TPD52L1: variants seen among roughly 807,000 people sequenced by gnomAD.
The protein encoded by TPD52L1 is TPD52 like 1, also known as tumor protein D53.
A neutral mutation model predicts 28.7 loss-of-function variants in TPD52L1; 18 were observed. That is an observed-to-expected ratio of 0.63 (90% confidence interval 0.43 to 0.93). TPD52L1 has a LOEUF of 0.93. Ranked by LOEUF, TPD52L1 falls within the 40% of genes least tolerant of loss-of-function variation. The pLI, the probability that TPD52L1 is intolerant of heterozygous loss-of-function variation, is 0.00. For missense variants in TPD52L1, 203 were observed against 254.8 expected, an observed-to-expected ratio of 0.80 and a Z score of 1.39; for synonymous variants, 75 against 88.8, an observed-to-expected ratio of 0.84 and a Z score of 0.88.
intron 5 of TPD52L1, 43 bp from the exon 6 acceptor site, chr6:125,257,055 A>T (rs1562398558): frequency 5.8e-6 from 9 of 1,564,780 alleles, no homozygotes; most frequent in Non-Finnish European, 7.9e-6. Context: ...TTGCTAAGAC[A>T]GCTAGGCCTT....
In TPD52L1 at chr6:125,160,090, G is replaced by A. The variant is rs565393608; in HGVS notation, c.19+6120G>A. Among the ~76,000 whole-genome samples, 22 of 152,222 alleles carry A rather than the reference G, an allele frequency of 1.4e-4. No individual in the cohort carries two copies. In the South Asian group the frequency reaches 2.3e-3, roughly 16 times the overall value. ...GATTGTGAGGCCTCCCCAGCCATGC[G>A]GAACTGTGAGTCCATTAAACCTCTT... is the stretch of plus-strand genomic sequence containing the variant. On this transcript the variant is annotated intron_variant, in intron 1 of 6. Transcript: ENST00000534000.
chr6:125,244,207 G>A (rs1188276148), intron 3 of TPD52L1, among the ~76,000 whole-genome samples: 1 of 152,022 alleles, frequency 6.6e-6, no homozygotes, highest in African/African-American at 2.4e-5. Flanking sequence ...AGCTTATCTT[G>A]TTCTCTCATG....
Position 125,165,092 on chromosome 6 carries a change from A to ATATATATATATATATATTTATT in TPD52L1, c.19+11129_19+11130insATATATATATTTATTTATATAT. On this transcript the variant is annotated intron_variant, in intron 1 of 6. Coordinates refer to ENST00000534000, the MANE Select transcript of TPD52L1 (RefSeq NM_003287.4). ...CCTGTCTCTTAAAAAAAAGATATAT[A>ATATATATATATATATATTTATT]TATATATTTTAACTGTATATATATA... Among the ~76,000 whole-genome samples, 581 of 104,198 alleles carry ATATATATATATATATATTTATT rather than the reference A, an allele frequency of 5.6e-3. 69 individuals carry two copies. The highest frequency in any genetic ancestry group is 0.033 in the African/African-American group (544 of 16,458). The allele number at this position is 104,198 out of a possible 152,430, so 68.4% of individuals were successfully genotyped here.
chr6:125,185,179 A>T (rs977801230), intron 1 of TPD52L1, among the ~76,000 whole-genome samples: 1 of 152,190 alleles, frequency 6.6e-6, no homozygotes, highest in African/African-American at 2.4e-5. Context: ...AAACTGTCAC[A>T]ATGCAGGAAG....
At chr6:125,223,424 C>T (rs1795386104) in intron 2 of TPD52L1, among the ~76,000 whole-genome samples, 1 of 152,102 alleles carries the variant, frequency 6.6e-6, no homozygotes, top group Admixed American at 6.6e-5. Context: ...AGAGGAATCT[C>T]TTGGCCAGCT....
chr6:125,253,822 A>G, intron 5 of TPD52L1, 67 bp downstream of exon 5: 1 of 1,411,184 alleles, frequency 7.1e-7, no homozygotes. Context: ...TTTTATTTAT[A>G]TTTACTTATG....
At chr6:125,232,726 GAT>G (rs1796023384) in intron 3 of TPD52L1, among the ~76,000 whole-genome samples, 1 of 152,102 alleles carries the variant, frequency 6.6e-6, no homozygotes, top group South Asian at 2.1e-4. Context: ...AATAGGCCTT[GAT>G]AAGTAGGAAT....
chr6:125,156,922 G>C (rs1056249006), intron 1 of TPD52L1, among the ~76,000 whole-genome samples: 3 of 152,114 alleles, frequency 2.0e-5, no homozygotes, highest in African/African-American at 7.2e-5. Context: ...TATTTGCCTA[G>C]CATTTTAAGA....
chr6:125,251,042 C>T (rs982877740), intron 4 of TPD52L1, among the ~76,000 whole-genome samples: 11 of 152,076 alleles, frequency 7.2e-5, no homozygotes, highest in Non-Finnish European at 1.5e-4. Context: ...ACAAGTTTTA[C>T]AAAGATTTTT....
Position 125,257,753 on chromosome 6 carries a change from T to G in TPD52L1, c.486+595T>G, listed in dbSNP as rs146526124. 3.0e-4 allele frequency among the ~76,000 whole-genome samples: 45 copies of G among 152,306 alleles called. No individual in the cohort carries two copies. The East Asian group carries it at 8.1e-3, about 27-fold the overall frequency. On this transcript the variant is annotated intron_variant, in intron 6 of 6. Coordinates refer to ENST00000534000, the MANE Select transcript of TPD52L1 (RefSeq NM_003287.4). ...TGCCTATTACAGAGTGTTTTAAAAA[T>G]TCACTGGAATTATTGTTCTAGCATA...
chr6:125,180,049 A>G (rs1409770393), intron 1 of TPD52L1, among the ~76,000 whole-genome samples: 1 of 152,148 alleles, frequency 6.6e-6, no homozygotes, highest in African/African-American at 2.4e-5. Context: ...CGGAACTCTG[A>G]TGCTGTCCTG....
chr6:125,234,861 G>A (rs1796161641), intron 3 of TPD52L1, among the ~76,000 whole-genome samples: 1 of 151,952 alleles, frequency 6.6e-6, no homozygotes, highest in Non-Finnish European at 1.5e-5. Context: ...AGGAGGCCGA[G>A]GTGAAAGAAT....
intron 1 of TPD52L1, among the ~76,000 whole-genome samples, chr6:125,161,778 G>C (rs778631259): frequency 6.6e-6 from 1 of 152,092 alleles, no homozygotes; most frequent in South Asian, 2.1e-4. Context: ...ACCAATCACA[G>C]ATCACCATAA....
Position 125,170,486 on chromosome 6 carries a change from C to G in TPD52L1, c.19+16516C>G, listed in dbSNP as rs143262947. ...ATGTTGGGCAGATTTGCTGGTAGCT[C>G]TCATATAAATCGGAGTTTCCTAATC... is the stretch of plus-strand genomic sequence containing the variant. On this transcript the variant is annotated intron_variant, in intron 1 of 6. Coordinates refer to ENST00000534000, the MANE Select transcript of TPD52L1 (RefSeq NM_003287.4). Among the ~76,000 whole-genome samples, 629 of 151,360 alleles carry G rather than the reference C, an allele frequency of 4.2e-3. 4 individuals are homozygous for G. The highest frequency in any genetic ancestry group is 0.015 in the African/African-American group (599 of 41,272).
chr6:125,153,858 CG>C lies in TPD52L1; in HGVS notation c.-90del. Reference sequence around the variant, plus strand: ...GCGTGCCAGGAGTGGGAGCGAGCGGCGGGGCCAGCTGCGTTCTGAGCCTGGG... The same window carrying C: ...GCGTGCCAGGAGTGGGAGCGAGCGGCGGGCCAGCTGCGTTCTGAGCCTGGG... On this transcript the variant is annotated 5_prime_UTR_variant, in exon 1 of 7. Coordinates refer to ENST00000534000, the MANE Select transcript of TPD52L1 (RefSeq NM_003287.4). 1 of 1,417,430 alleles carries C rather than the reference CG, an allele frequency of 7.1e-7. No homozygotes were observed. The allele number at this position is 1,417,430 out of a possible 1,614,324, so 87.8% of individuals were successfully genotyped here. A position where few individuals can be genotyped will look rare whatever the true frequency, so the allele number is the denominator to read the frequency against.
chr6:125,204,412 C>A (rs1793978271), intron 1 of TPD52L1, among the ~76,000 whole-genome samples: 1 of 152,146 alleles, frequency 6.6e-6, no homozygotes, highest in Admixed American at 6.5e-5. Flanking sequence ...GCATTGGTTG[C>A]AAGTCTTGGT....
At chr6:125,237,807 A>ATTTTG (rs777982194) in intron 3 of TPD52L1, among the ~76,000 whole-genome samples, 23 of 151,276 alleles carry the variant, frequency 1.5e-4, no homozygotes, top group Non-Finnish European at 2.5e-4. Flanking sequence ...CCCAGCCCTG[A>ATTTTG]TTTTGTTTTG....
chr6:125,220,783 T>C (rs1562314133), intron 2 of TPD52L1, among the ~76,000 whole-genome samples: 1 of 152,160 alleles, frequency 6.6e-6, no homozygotes, highest in Non-Finnish European at 1.5e-5. Context: ...GATGTCAGGC[T>C]CATTATGAAT....
intron 1 of TPD52L1, among the ~76,000 whole-genome samples, chr6:125,218,052 T>C (rs1794996800): frequency 6.6e-6 from 1 of 152,206 alleles, no homozygotes; most frequent in African/African-American, 2.4e-5. Flanking sequence ...TAATGGCGTC[T>C]GATGTGCATG....
Sources: gnomAD v4.1 joint callset for allele counts (sites outside exome capture counted in the v4.1 genomes callset) on GRCh38, gnomAD v4.1.1 for gene constraint, MANE v1.5 for transcripts, NCBI Gene and HGNC (gene_info 2026-07-23, HGNC 2026-07-21) for gene names.